ANKRD30B: variants seen among roughly 807,000 people sequenced by gnomAD.
ANKRD30B encodes the protein ankyrin repeat domain-containing protein 30B.
In ANKRD30B, 144 loss-of-function variants were observed where a neutral mutation model predicts 202.2. That is an observed-to-expected ratio of 0.71 (90% confidence interval 0.62 to 0.82). ANKRD30B has a LOEUF of 0.82. ANKRD30B is among the 40% of genes least tolerant of loss of function. The pLI is 0.00. For missense variants in ANKRD30B, 1,487 were observed against 1,669.1 expected (o/e 0.89, Z 1.90); for synonymous variants, 508 against 561.3 (o/e 0.91, Z 1.34).
the ANKRD30B span, among the ~76,000 whole-genome samples, chr18:14,918,186 C>A: frequency 6.6e-6 from 1 of 152,160 alleles, no homozygotes; most frequent in East Asian, 1.9e-4. Flanking sequence ...TTTATTATTT[C>A]TTGCCTGGAA....
At chr18:14,790,911 G>C (rs1354800101) in intron 15 of ANKRD30B, among the ~76,000 whole-genome samples, 4 of 152,080 alleles carry the variant, frequency 2.6e-5, no homozygotes, top group Admixed American at 6.5e-5. Context: ...CTCATAAAAT[G>C]AGTTAGGGAG....
chr18:14,785,242 G>T (rs1968008702), intron 14 of ANKRD30B, among the ~76,000 whole-genome samples: 1 of 152,012 alleles, frequency 6.6e-6, no homozygotes, highest in Admixed American at 6.6e-5. Flanking sequence ...ACGTGTGCAT[G>T]GTCATATTTA....
chr18:14,874,633 A>G, the ANKRD30B span, among the ~76,000 whole-genome samples: 1 of 152,160 alleles, frequency 6.6e-6, no homozygotes, highest in African/African-American at 2.4e-5. Context: ...TTAAGGGAAT[A>G]GATGAAAGTG....
intron 1 of ANKRD30B, among the ~76,000 whole-genome samples, chr18:14,750,433 C>T (rs1013013038): frequency 2.6e-5 from 4 of 152,088 alleles, no homozygotes; most frequent in South Asian, 4.1e-4. Context: ...GAATCAAATA[C>T]TGTTTTCTAT....
chr18:14,796,708 C>T (rs1047358905), intron 18 of ANKRD30B, among the ~76,000 whole-genome samples: 66 of 151,104 alleles, frequency 4.4e-4, no homozygotes, highest in Non-Finnish European at 2.4e-4. Context: ...ACATAATAGA[C>T]ACAGACAAGA....
chr18:14,932,534 T>C, the ANKRD30B span, among the ~76,000 whole-genome samples: 3 of 152,120 alleles, frequency 2.0e-5, no homozygotes, highest in African/African-American at 7.2e-5. Flanking sequence ...GAGACGGGGT[T>C]TCACCGTGTT....
At chr18:14,819,511 C>A (rs1970298861) in intron 30 of ANKRD30B, among the ~76,000 whole-genome samples, 3 of 152,056 alleles carry the variant, frequency 2.0e-5, no homozygotes, top group African/African-American at 7.3e-5. Flanking sequence ...ACGTTTAAGT[C>A]TTTAATCCAT....
At chr18:14,824,455 G>C (rs1187779364) in intron 32 of ANKRD30B, among the ~76,000 whole-genome samples, 16 of 152,156 alleles carry the variant, frequency 1.1e-4, no homozygotes, top group Non-Finnish European at 1.5e-5. Flanking sequence ...CTGGACTCAA[G>C]TGATTCTCCT....
intron 30 of ANKRD30B, among the ~76,000 whole-genome samples, chr18:14,819,498 C>A (rs1396042950): frequency 1.1e-4 from 16 of 151,978 alleles, no homozygotes; most frequent in African/African-American, 2.9e-4. Context: ...GGTTTTAGGT[C>A]TAACGTTTAA....
chr18:14,820,322 A>T (rs1412767195), intron 30 of ANKRD30B, among the ~76,000 whole-genome samples: 3 of 152,146 alleles, frequency 2.0e-5, no homozygotes, highest in African/African-American at 7.2e-5. Context: ...GGACAATTTG[A>T]CTTCCTCTTT....
At chr18:14,856,016 G>A (rs1972097828), downstream of ANKRD30B, among the ~76,000 whole-genome samples, 1 of 138,030 alleles carries the variant, frequency 7.2e-6, no homozygotes, top group South Asian at 2.3e-4. Flanking sequence ...GGGCGGCCAG[G>A]CAGAGGTGCT....
the ANKRD30B span, among the ~76,000 whole-genome samples, chr18:14,893,422 C>A: frequency 6.6e-6 from 1 of 152,198 alleles, no homozygotes; most frequent in Admixed American, 6.5e-5. Context: ...ACCAGCCTGG[C>A]AAATATGGTG....
chr18:14,752,801 T>A, intron 2 of ANKRD30B, 38 bp from the exon 3 acceptor site: 1 of 1,573,804 alleles, frequency 6.4e-7, no homozygotes, highest in East Asian at 2.3e-5. Flanking sequence ...TTTGATTTCC[T>A]ATAATTTATA....
At chr18:14,892,325 A>C in the ANKRD30B span, among the ~76,000 whole-genome samples, 1 of 152,236 alleles carries the variant, frequency 6.6e-6, no homozygotes, top group Admixed American at 6.5e-5. Flanking sequence ...ATTAATTATG[A>C]TAGGCAGACA....
the ANKRD30B span, among the ~76,000 whole-genome samples, chr18:14,879,091 A>G: frequency 6.6e-6 from 1 of 151,846 alleles, no homozygotes; most frequent in African/African-American, 2.4e-5. Context: ...CCGCGAAGGC[A>G]GAGCAGTGTT....
chr18:14,783,907 A>G (rs2143871045), intron 12 of ANKRD30B, among the ~76,000 whole-genome samples: 1 of 152,196 alleles, frequency 6.6e-6, no homozygotes, highest in Non-Finnish European at 1.5e-5. Flanking sequence ...CACTTCACTG[A>G]TGAGATGTCA....
At chr18:14,869,858 G>A in the ANKRD30B span, among the ~76,000 whole-genome samples, 1 of 152,000 alleles carries the variant, frequency 6.6e-6, no homozygotes, top group Non-Finnish European at 1.5e-5. Flanking sequence ...TTCTAGAGGT[G>A]GGGTCTCACT....
chr18:14,751,186 A>G (rs1191211067), intron 1 of ANKRD30B, among the ~76,000 whole-genome samples: 1 of 152,048 alleles, frequency 6.6e-6, no homozygotes, highest in African/African-American at 2.4e-5. Context: ...TATTACATAT[A>G]TGTCAATAAC....
chr18:14,785,907 G>A (rs940072244), intron 14 of ANKRD30B, among the ~76,000 whole-genome samples: 3 of 151,910 alleles, frequency 2.0e-5, no homozygotes, highest in Non-Finnish European at 2.9e-5. Flanking sequence ...GTGCGGTGGC[G>A]GGCGCCTGTA....
Sources: gnomAD v4.1 joint callset for allele counts (sites outside exome capture counted in the v4.1 genomes callset) on GRCh38, gnomAD v4.1.1 for gene constraint, MANE v1.5 for transcripts, NCBI Gene and HGNC (gene_info 2026-07-23, HGNC 2026-07-21) for gene names.